OR10R2: variants seen among roughly 807,000 people sequenced by gnomAD.
The protein encoded by OR10R2 is olfactory receptor family 10 subfamily R member 2.
A neutral mutation model predicts 2.4 loss-of-function variants in OR10R2; 1 was observed. The observed-to-expected ratio is 0.41, with a 90% CI of 0.15 to 1.95. The LOEUF (loss-of-function observed/expected upper bound fraction) is 1.95, where lower values mean the gene tolerates loss of function less well. Among genes scored for constraint, OR10R2 ranks in the 30% most tolerant of loss-of-function variants. The pLI, the probability that OR10R2 is intolerant of heterozygous loss-of-function variation, is 0.30. For synonymous variants in OR10R2, 166 were observed against 144.8 expected (o/e 1.15, Z -1.05); for missense variants, 419 against 373.0 (o/e 1.12, Z -1.01).
exon 2 of OR10R2, chr1:158,479,940 C>T: frequency 1.2e-6 from 2 of 1,613,944 alleles, no homozygotes; most frequent in Non-Finnish European, 1.7e-6. Flanking sequence ...CTTTGCAGAT[C>T]TTGGCAGAAA....
At chr1:158,480,903 G>T in exon 2 of OR10R2, 2 of 1,135,890 alleles carry the variant, frequency 1.8e-6, no homozygotes, top group Non-Finnish European at 2.5e-6. Context: ...TTACATTTTA[G>T]ATTTCTTAAT....
chr1:158,472,462 G>T, intron 1 of OR10R2, 110 bp downstream of exon 1: 1 of 397,842 alleles, frequency 2.5e-6, no homozygotes, highest in Non-Finnish European at 4.4e-6. Flanking sequence ...TCCTTAAAGG[G>T]CCTGGGCCAT....
chr1:158,473,784 T>C (rs200400352), intron 1 of OR10R2, among the ~76,000 whole-genome samples: 5,212 of 42,104 alleles, frequency 0.12, 412 homozygotes, highest in Middle Eastern at 0.23. Context: ...TCCTCCCTCC[T>C]TCCCTCTTTC....
At chr1:158,480,594 C>A (rs1656380366) in exon 2 of OR10R2, 1 of 1,613,502 alleles carries the variant, frequency 6.2e-7, no homozygotes, top group Non-Finnish European at 8.5e-7. Context: ...TTTCTTATCT[C>A]TGCATTCTGA....
chr1:158,479,825 G>A, intron 1 of OR10R2, 113 bp from the exon 2 acceptor site: 2 of 1,120,098 alleles, frequency 1.8e-6, no homozygotes, highest in Non-Finnish European at 2.6e-6. Flanking sequence ...CGGAAAAGGT[G>A]AATAAAAGGC....
chr1:158,478,492 C>T (rs1557876362), intron 1 of OR10R2, among the ~76,000 whole-genome samples: 2 of 152,098 alleles, frequency 1.3e-5, no homozygotes, highest in Admixed American at 1.3e-4. Context: ...TTCTCTTATA[C>T]TAAGATTTAA....
At chr1:158,478,037 CAA>C (rs1390635086) in intron 1 of OR10R2, among the ~76,000 whole-genome samples, 9 of 152,134 alleles carry the variant, frequency 5.9e-5, no homozygotes, top group African/African-American at 2.2e-4. Flanking sequence ...ACAAGGCTGA[CAA>C]GAGCAAACAA....
chr1:158,480,013 G>T (rs1656349772), exon 2 of OR10R2: 3 of 1,613,726 alleles, frequency 1.9e-6, no homozygotes, highest in Middle Eastern at 1.6e-4. Context: ...AATTCAGCTG[G>T]CCCTCTTTGT....
At chr1:158,473,043 C>T (rs1364519598) in intron 1 of OR10R2, among the ~76,000 whole-genome samples, 3 of 152,104 alleles carry the variant, frequency 2.0e-5, no homozygotes, top group African/African-American at 7.2e-5. Context: ...ATGTGAATTC[C>T]ATCTTGAGTG....
intron 1 of OR10R2, among the ~76,000 whole-genome samples, chr1:158,476,172 A>G (rs1418691711): frequency 1.3e-5 from 2 of 152,088 alleles, no homozygotes; most frequent in Non-Finnish European, 2.9e-5. Context: ...AGCTTTCAAA[A>G]ATATGATTTT....
At chr1:158,479,744 T>A (rs1656344219) in intron 1 of OR10R2, 194 bp from the exon 2 acceptor site, 1 of 619,146 alleles carries the variant, frequency 1.6e-6, no homozygotes, top group South Asian at 2.0e-5. Context: ...GAGAAAGAGA[T>A]GTAACTTTGT....
At chr1:158,480,385 A>G (rs1656368564) in exon 2 of OR10R2, 3 of 1,614,100 alleles carry the variant, frequency 1.9e-6, no homozygotes, top group Non-Finnish European at 1.7e-6. Flanking sequence ...TGCCTGTGCA[A>G]TTGGTGGCTT....
At chr1:158,474,173 C>T (rs895332952) in intron 1 of OR10R2, among the ~76,000 whole-genome samples, 9 of 151,710 alleles carry the variant, frequency 5.9e-5, no homozygotes, top group Admixed American at 6.6e-5. Context: ...GTTTCAACAC[C>T]CACCTTACCA....
At chr1:158,476,992 C>T (rs1344218826) in intron 1 of OR10R2, among the ~76,000 whole-genome samples, 1 of 152,046 alleles carries the variant, frequency 6.6e-6, no homozygotes, top group African/African-American at 2.4e-5. Flanking sequence ...TTGTCTGATG[C>T]ATAGTTTGAA....
At chr1:158,480,509 A>G in exon 2 of OR10R2, 1 of 1,613,650 alleles carries the variant, frequency 6.2e-7, no homozygotes. Flanking sequence ...GCTTGTACCA[A>G]CACAGATGTT....
chr1:158,479,455 A>G (rs1415935771), intron 1 of OR10R2, among the ~76,000 whole-genome samples: 1 of 152,162 alleles, frequency 6.6e-6, no homozygotes, highest in African/African-American at 2.4e-5. Flanking sequence ...TAAATCTGAC[A>G]CTAAGCTTTT....
intron 1 of OR10R2, chr1:158,474,790 C>A (rs1336831788): frequency 1.3e-5 from 2 of 152,112 alleles, no homozygotes; most frequent in East Asian, 1.9e-4. Context: ...TTATTTTAAT[C>A]TTCTCTTCTT....
At chr1:158,480,648 G>A (rs145805567) in exon 2 of OR10R2, 569 of 1,613,792 alleles carry the variant, frequency 3.5e-4, no homozygotes, top group Non-Finnish European at 4.4e-4. Context: ...GACGGAAAGC[G>A]TTTTCCACCT....
At chr1:158,476,590 T>G (rs991951480) in intron 1 of OR10R2, among the ~76,000 whole-genome samples, 3 of 151,616 alleles carry the variant, frequency 2.0e-5, no homozygotes, top group Non-Finnish European at 2.9e-5. Context: ...TAATTAAACT[T>G]AAAAAATTAA....
Sources: gnomAD v4.1 joint callset for allele counts (sites outside exome capture counted in the v4.1 genomes callset) on GRCh38, gnomAD v4.1.1 for gene constraint, MANE v1.5 for transcripts, NCBI Gene and HGNC (gene_info 2026-07-23, HGNC 2026-07-21) for gene names.